The following PDE11A variants were observed in gnomAD, a reference collection of about 807,000 sequenced individuals.
The protein encoded by PDE11A is dual 3',5'-cyclic-AMP and -GMP phosphodiesterase 11A.
In PDE11A, 100 loss-of-function variants were observed where a neutral mutation model predicts 100.5. That is an observed-to-expected ratio of 1.00 (90% confidence interval 0.85 to 1.18). PDE11A has a LOEUF of 1.18. PDE11A is among the 50% of genes most tolerant of loss of function. The probability of loss-of-function intolerance (pLI) is 0.00; values close to 1 mark genes in which losing one functional copy is unlikely to be tolerated. For synonymous variants in PDE11A, 381 were observed against 420.8 expected, an observed-to-expected ratio of 0.91 and a Z score of 1.16; for missense variants, 1,141 against 1,152.6, an observed-to-expected ratio of 0.99 and a Z score of 0.15.
intron 5 of PDE11A, among the ~76,000 whole-genome samples, chr2:177,841,109 T>G (rs2083484229): frequency 6.6e-6 from 1 of 152,234 alleles, no homozygotes; most frequent in South Asian, 2.1e-4. Context: ...CCAAATGATT[T>G]TTTGAACTTT....
chr2:177,924,712 C>T lies in PDE11A; in HGVS notation c.1072-19525G>A, dbSNP rs568286792. Among the ~76,000 whole-genome samples, 85 of 151,530 alleles carry T rather than the reference C, an allele frequency of 5.6e-4. No homozygotes were observed. In the South Asian group the frequency reaches 9.2e-3, roughly 16 times the overall value. On this transcript the variant is annotated intron_variant, in intron 2 of 19. Transcript: ENST00000286063. ...GCTTTATATGTTGATTCACATTCTG[C>T]CGGCTGTTAAGCTTTCTTTTTTTTT...
At chr2:177,774,588 T>C (rs762645284) in intron 9 of PDE11A, among the ~76,000 whole-genome samples, 1 of 152,224 alleles carries the variant, frequency 6.6e-6, no homozygotes, top group Non-Finnish European at 1.5e-5. Context: ...ACTGTAAATG[T>C]GGAAGCTTCT....
chr2:177,789,032 C>G (rs2082586547), intron 9 of PDE11A, among the ~76,000 whole-genome samples: 1 of 152,232 alleles, frequency 6.6e-6, no homozygotes, highest in Non-Finnish European at 1.5e-5. Flanking sequence ...CTCCCTAACT[C>G]ATTTTATGAG....
chr2:177,788,702 G>A (rs1344037980), intron 9 of PDE11A, among the ~76,000 whole-genome samples: 2 of 151,952 alleles, frequency 1.3e-5, no homozygotes, highest in African/African-American at 4.8e-5. Context: ...AATGATAAAG[G>A]GGATATCACC....
chr2:177,793,800 G>A (rs1272504397), intron 9 of PDE11A, among the ~76,000 whole-genome samples: 6 of 152,136 alleles, frequency 3.9e-5, no homozygotes, highest in East Asian at 1.9e-4. Context: ...GACTTGCTCC[G>A]GTGTCTAGTC....
intron 10 of PDE11A, among the ~76,000 whole-genome samples, chr2:177,754,292 G>A (rs888143251): frequency 9.2e-5 from 14 of 152,102 alleles, no homozygotes; most frequent in African/African-American, 3.4e-4. Flanking sequence ...AAATCTCCCT[G>A]AGTCTACATT....
chr2:177,911,676 G>A (rs1279546129), intron 2 of PDE11A, among the ~76,000 whole-genome samples: 1 of 152,152 alleles, frequency 6.6e-6, no homozygotes, highest in Non-Finnish European at 1.5e-5. Flanking sequence ...TTAAGGTCAG[G>A]AGTTCCAGAC....
intron 5 of PDE11A, among the ~76,000 whole-genome samples, chr2:177,858,096 T>A (rs1282654248): frequency 1.3e-5 from 2 of 152,012 alleles, no homozygotes; most frequent in African/African-American, 4.8e-5. Context: ...AAAAATTAAT[T>A]CAAGATGGAT....
At chr2:177,787,459 A>C (rs998230625) in intron 9 of PDE11A, among the ~76,000 whole-genome samples, 1 of 152,062 alleles carries the variant, frequency 6.6e-6, no homozygotes, top group Non-Finnish European at 1.5e-5. Context: ...GACCATCGAG[A>C]CTAGGAAGAA....
At chr2:177,842,678 T>C (rs990444000) in intron 5 of PDE11A, among the ~76,000 whole-genome samples, 2 of 152,176 alleles carry the variant, frequency 1.3e-5, no homozygotes, top group Non-Finnish European at 2.9e-5. Context: ...ACCACAGAAG[T>C]CATGCAGGTG....
chr2:178,006,258 TAAAGAC>T (rs2086209663), intron 2 of PDE11A, among the ~76,000 whole-genome samples: 1 of 152,218 alleles, frequency 6.6e-6, no homozygotes, highest in Admixed American at 6.5e-5. Context: ...GAAACACTGT[TAAAGAC>T]AAAGAATAAT....
intron 10 of PDE11A, among the ~76,000 whole-genome samples, chr2:177,748,642 T>A (rs888745954): frequency 6.6e-6 from 1 of 152,180 alleles, no homozygotes; most frequent in Admixed American, 6.5e-5. Flanking sequence ...CAGTTTTTTT[T>A]TTTTATTCTT....
chr2:177,794,336 A>G (rs2082675126), intron 9 of PDE11A, among the ~76,000 whole-genome samples: 1 of 152,192 alleles, frequency 6.6e-6, no homozygotes, highest in Admixed American at 6.5e-5. Flanking sequence ...GTTTAAGGAA[A>G]AGCAAAGAGG....
At chr2:177,726,748 G>C (rs1330962367) in intron 12 of PDE11A, among the ~76,000 whole-genome samples, 2 of 145,778 alleles carry the variant, frequency 1.4e-5, no homozygotes, top group Admixed American at 1.4e-4. Flanking sequence ...TTCTGATTTT[G>C]TGTTTAAATT....
intron 2 of PDE11A, among the ~76,000 whole-genome samples, chr2:177,988,277 G>A (rs1266803524): frequency 6.6e-6 from 1 of 152,128 alleles, no homozygotes; most frequent in South Asian, 2.1e-4. Flanking sequence ...GAAACTCTTC[G>A]ATCTACCTTG....
intron 2 of PDE11A, among the ~76,000 whole-genome samples, chr2:177,911,699 C>T (rs1371651526): frequency 6.6e-6 from 1 of 152,114 alleles, no homozygotes; most frequent in Non-Finnish European, 1.5e-5. Context: ...GCCTGACCAA[C>T]ATGGTGAAAC....
At chr2:178,105,277 T>C (rs186428047) in intron 1 of PDE11A, among the ~76,000 whole-genome samples, 2 of 152,166 alleles carry the variant, frequency 1.3e-5, no homozygotes, top group Non-Finnish European at 2.9e-5. Flanking sequence ...CCGGCCAAGA[T>C]GGTGAAACCC....
intron 2 of PDE11A, among the ~76,000 whole-genome samples, chr2:178,005,121 C>T (rs957043028): frequency 1.4e-5 from 2 of 145,256 alleles, no homozygotes; most frequent in African/African-American, 2.6e-5. Flanking sequence ...CCCTTTACTC[C>T]AGGTGTTCAC....
At chr2:177,870,993 C>T (rs912869043) in intron 5 of PDE11A, among the ~76,000 whole-genome samples, 8 of 152,110 alleles carry the variant, frequency 5.3e-5, no homozygotes, top group East Asian at 1.9e-4. Context: ...TCTCATCCTG[C>T]CTTGAGTGTA....
Sources: gnomAD v4.1 joint callset for allele counts (sites outside exome capture counted in the v4.1 genomes callset) on GRCh38, gnomAD v4.1.1 for gene constraint, MANE v1.5 for transcripts, NCBI Gene and HGNC (gene_info 2026-07-23, HGNC 2026-07-21) for gene names.